SAMD4A: variants seen among roughly 807,000 people sequenced by gnomAD.
SAMD4A encodes sterile alpha motif domain containing 4A, also known as protein Smaug homolog 1.
Under a neutral mutation model 81.3 loss-of-function variants are expected in SAMD4A, and 33 were observed. The observed-to-expected ratio is 0.41, with a 90% CI of 0.31 to 0.54. The LOEUF (loss-of-function observed/expected upper bound fraction) is 0.54. SAMD4A is among the 20% of genes least tolerant of loss of function. SAMD4A has a pLI of 0.37. For synonymous variants in SAMD4A, 389 were observed against 382.1 expected (o/e 1.02, Z -0.21); for missense variants, 854 against 951.1 (o/e 0.90, Z 1.34).
At chr14:54,766,044 A>G (rs1369479649) in intron 8 of SAMD4A, among the ~76,000 whole-genome samples, 1 of 152,096 alleles carries the variant, frequency 6.6e-6, no homozygotes, top group Non-Finnish European at 1.5e-5. Context: ...GAAATGTTTA[A>G]CTATACCAAA....
chr14:54,708,189 T>C (rs1375308315), intron 3 of SAMD4A, among the ~76,000 whole-genome samples: 4 of 152,216 alleles, frequency 2.6e-5, no homozygotes, highest in Non-Finnish European at 4.4e-5. Flanking sequence ...GCTCTAGATA[T>C]ATTTTGAAAA....
intron 2 of SAMD4A, among the ~76,000 whole-genome samples, chr14:54,642,020 ACTC>A (rs2035186343): frequency 6.6e-6 from 1 of 151,206 alleles, no homozygotes; most frequent in Non-Finnish European, 1.5e-5. Flanking sequence ...CTGGTCTTGA[ACTC>A]CTGACCTCAA....
Position 54,751,464 on chromosome 14 carries a change from G to T in SAMD4A, c.1103G>T (p.Gly368Val). ...CQLEAQNVTK[G>V]ARHKIVISIQ... ...ATTTAATTACAGAATGTTACCAAAG[G>T]TGCAAGACACAAAATTGTCATCAGT... Residue 368 changes from glycine (G) to valine (V), a missense_variant, in exon 6 of 13, where the codon GGT becomes GTT. Gly to Val is a moderately radical substitution (Grantham distance 109). Around this residue, in one of 3 missense-constraint regions of SAMD4A, gnomAD observed 39 missense variants for 74.1 expected, o/e 0.53. Coordinates refer to ENST00000554335, the MANE Select transcript of SAMD4A (RefSeq NM_015589.6). 1 of 1,591,802 alleles carries T rather than the reference G, an allele frequency of 6.3e-7. No homozygotes were observed. The highest frequency in any genetic ancestry group is 8.6e-7 in the Non-Finnish European group (1 of 1,163,382).
At position 54,574,697 on chromosome 14, in the gene SAMD4A, T is replaced by A. The variant is rs528154695; in HGVS notation, c.196+6585T>A. On this transcript the variant is annotated intron_variant, in intron 2 of 12. Coordinates refer to ENST00000554335, the MANE Select transcript of SAMD4A (RefSeq NM_015589.6). Reference sequence around the variant, plus strand: ...TAACATTGTAAGACTTAGTAATAGTTCTCTTGGCTCCTCCTAGTAGGATAT... The same window carrying A: ...TAACATTGTAAGACTTAGTAATAGTACTCTTGGCTCCTCCTAGTAGGATAT... Among the ~76,000 whole-genome samples the A allele has an allele frequency of 2.6e-5, 4 of 152,334 alleles. No homozygotes were observed. In the South Asian group the frequency reaches 8.3e-4, roughly 32 times the overall value.
chr14:54,757,245 A>T (rs1226764117), intron 6 of SAMD4A, among the ~76,000 whole-genome samples: 1 of 152,238 alleles, frequency 6.6e-6, no homozygotes, highest in African/African-American at 2.4e-5. Context: ...AGGATGAGCT[A>T]ACTGATTGTA....
At chr14:54,676,977 G>T (rs1223360231) in intron 2 of SAMD4A, among the ~76,000 whole-genome samples, 1 of 152,214 alleles carries the variant, frequency 6.6e-6, no homozygotes, top group African/African-American at 2.4e-5. Context: ...TTTATAGTCA[G>T]GTTTGTTGTT....
intron 6 of SAMD4A, among the ~76,000 whole-genome samples, chr14:54,755,098 C>T (rs536824082): frequency 8.5e-5 from 13 of 152,102 alleles, no homozygotes; most frequent in Non-Finnish European, 1.6e-4. Context: ...CCGGGAAACT[C>T]ATTAGGAAAC....
chr14:54,673,180 C>G (rs1260487116), intron 2 of SAMD4A, among the ~76,000 whole-genome samples: 1 of 152,216 alleles, frequency 6.6e-6, no homozygotes, highest in Non-Finnish European at 1.5e-5. Context: ...CCATCATATC[C>G]TTGCTGAAGA....
chr14:54,647,267 T>C (rs2035306404), intron 2 of SAMD4A, among the ~76,000 whole-genome samples: 1 of 152,220 alleles, frequency 6.6e-6, no homozygotes, highest in African/African-American at 2.4e-5. Context: ...GATTTGCAGG[T>C]GTCATCACGT....
chr14:54,634,150 G>C (rs948875784), intron 2 of SAMD4A, among the ~76,000 whole-genome samples: 1 of 151,992 alleles, frequency 6.6e-6, no homozygotes, highest in Non-Finnish European at 1.5e-5. Flanking sequence ...GCCAGGGATG[G>C]TGGTGTATGC....
chr14:54,709,471 C>G (rs1208659834), intron 3 of SAMD4A, among the ~76,000 whole-genome samples: 2 of 151,870 alleles, frequency 1.3e-5, no homozygotes, highest in Non-Finnish European at 2.9e-5. Flanking sequence ...GAGGTTAAGT[C>G]AAGTGACATC....
intron 2 of SAMD4A, chr14:54,685,793 A>G (rs1454336881): frequency 1.1e-5 from 5 of 456,706 alleles, no homozygotes; most frequent in African/African-American, 2.0e-5. Context: ...CCAGAATTCC[A>G]TGATTTTCAG....
chr14:54,758,455 A>G (rs558466155), intron 6 of SAMD4A, among the ~76,000 whole-genome samples: 2 of 152,380 alleles, frequency 1.3e-5, no homozygotes, highest in East Asian at 3.9e-4. Flanking sequence ...AAGCAAGTGT[A>G]AGAGATGACC....
At chr14:54,669,442 T>G in intron 2 of SAMD4A, among the ~76,000 whole-genome samples, 1 of 113,564 alleles carries the variant, frequency 8.8e-6, no homozygotes, top group East Asian at 2.8e-4. Flanking sequence ...GCAACGCTTC[T>G]TTCTTTTTTT....
chr14:54,597,265 TTTTTC>T (rs2033934913), intron 2 of SAMD4A, among the ~76,000 whole-genome samples: 1 of 151,992 alleles, frequency 6.6e-6, no homozygotes, highest in South Asian at 2.1e-4. Context: ...GGTCTTTTTC[TTTTTC>T]TTTTCTTTTT....
chr14:54,792,139 CTGA>C lies in SAMD4A; in HGVS notation c.*3197_*3199del, dbSNP rs1205332029. ...GTGTACAAGACATGAAACATTGCTG[CTGA>C]TATGTTGTTTTTTCACATGCTTTTG... On this transcript the variant is annotated 3_prime_UTR_variant, in exon 13 of 13. Coordinates refer to ENST00000554335, the MANE Select transcript of SAMD4A (RefSeq NM_015589.6). 3 of 152,194 alleles carry C rather than the reference CTGA, an allele frequency of 2.0e-5. No homozygotes were observed. Among genetic ancestry groups the C allele is most frequent in the African/African-American group, 4.8e-5 (2 of 41,448 alleles). 9.4% of individuals were successfully genotyped at this position (152,194 alleles called of 1,614,324 possible). A position where few individuals can be genotyped will look rare whatever the true frequency, so the allele number is the denominator to read the frequency against.
At chr14:54,642,194 G>A (rs751864658) in intron 2 of SAMD4A, among the ~76,000 whole-genome samples, 2 of 152,202 alleles carry the variant, frequency 1.3e-5, no homozygotes, top group African/African-American at 2.4e-5. Context: ...ATGATGGCTT[G>A]AACTGATTTA....
At chr14:54,736,451 G>A (rs7146871) in intron 3 of SAMD4A, among the ~76,000 whole-genome samples, 1 of 151,988 alleles carries the variant, frequency 6.6e-6, no homozygotes, top group Admixed American at 6.6e-5. Context: ...TAGTACTGGG[G>A]CCCTTGCTGA....
intron 3 of SAMD4A, among the ~76,000 whole-genome samples, chr14:54,717,794 C>T (rs1324932807): frequency 1.3e-5 from 2 of 151,566 alleles, no homozygotes; most frequent in Non-Finnish European, 2.9e-5. Context: ...TCAAGGTAAG[C>T]ATCTTTGCAG....
Sources: allele counts gnomAD v4.1 joint callset (sites outside exome capture counted in the v4.1 genomes callset), GRCh38; gene constraint gnomAD v4.1.1; regional missense constraint gnomAD v4.1.1; transcripts MANE v1.5; gene names NCBI Gene and HGNC (gene_info 2026-07-23, HGNC 2026-07-21).